Variants in NFE2 observed in about 807,000 individuals in gnomAD.
The protein encoded by NFE2 is nuclear factor, erythroid 2, also known as transcription factor NF-E2 45 kDa subunit.
NFE2 carries 13 observed loss-of-function variants against 25.8 expected under a neutral mutation model. That is an observed-to-expected ratio of 0.50 (90% CI 0.33 to 0.80). NFE2 has a LOEUF of 0.80. Ranked by LOEUF, NFE2 falls within the 30% of genes least tolerant of loss-of-function variation. The pLI is 0.02. For missense variants in NFE2, 382 were observed against 478.9 expected, an observed-to-expected ratio of 0.80 and a Z score of 1.89; for synonymous variants, 204 against 200.2, an observed-to-expected ratio of 1.02 and a Z score of -0.16.
At chr12:54,296,564 T>C (rs573783862) in intron 1 of NFE2, among the ~76,000 whole-genome samples, 41 of 152,318 alleles carry the variant, frequency 2.7e-4, no homozygotes, top group Admixed American at 1.2e-3. Context: ...CCTGCCCCTG[T>C]ATCTTCATAC....
chr12:54,292,801 G>C lies in NFE2; in HGVS notation c.695C>G (p.Ala232Gly). Residue 232 changes from alanine to glycine, a missense_variant, in exon 3 of 3, where the codon GCC (alanine) becomes GGC (glycine). Coordinates refer to ENST00000435572, the MANE Select transcript of NFE2 (RefSeq NM_001136023.3). The part of the protein sequence containing the change: ...AGSRDERRAL[A>G]MKIPFPTDKI... ...GTCCGTAGGAAAAGGAATCTTCATG[G>C]CCAAGGCCCGACGTTCATCCCGACT... 1 of 1,614,180 alleles carries C rather than the reference G, an allele frequency of 6.2e-7. No individual in the cohort carries two copies. Among genetic ancestry groups the C allele is most frequent in the Non-Finnish European group, 8.5e-7 (1 of 1,180,038 alleles).
At position 54,293,185 on chromosome 12, in the gene NFE2, A is replaced by G; in HGVS notation, c.311T>C (p.Ile104Thr). Residue 104 changes from isoleucine (I) to threonine (T), a missense_variant, in exon 3 of 3, where the codon ATA becomes ACA. By Grantham distance (89) the Ile-to-Thr change is moderately conservative. Coordinates refer to ENST00000435572, the MANE Select transcript of NFE2 (RefSeq NM_001136023.3). Reference sequence around the variant, plus strand: ...GAGGCTCAGTGGCTTGGAGACTGGTATGGCCATGTTGCCATAGGAGTATGG... The same window carrying G: ...GAGGCTCAGTGGCTTGGAGACTGGTGTGGCCATGTTGCCATAGGAGTATGG... ...DPPYSYGNMA[I>T]PVSKPLSLSG... 1 of 1,573,978 alleles carries G rather than the reference A, an allele frequency of 6.4e-7. No individual in the cohort carries two copies. Among genetic ancestry groups the G allele is most frequent in the South Asian group, 1.2e-5 (1 of 84,674 alleles).
At chr12:54,294,459 G>T (rs780573494) in intron 2 of NFE2, among the ~76,000 whole-genome samples, 1 of 152,060 alleles carries the variant, frequency 6.6e-6, no homozygotes, top group Non-Finnish European at 1.5e-5. Context: ...ATGGTAGCAG[G>T]GTAGTAAAAG....
intron 2 of NFE2, 69 bp downstream of exon 2, chr12:54,295,066 T>C: frequency 7.5e-7 from 1 of 1,324,918 alleles, no homozygotes; most frequent in Non-Finnish European, 1.1e-6. Context: ...TCTGCCTCAG[T>C]CCTGGCCAAC....
At chr12:54,298,507 CAA>C (rs1180692795) in intron 1 of NFE2, among the ~76,000 whole-genome samples, 13 of 35,596 alleles carry the variant, frequency 3.7e-4, no homozygotes, top group Admixed American at 5.9e-4. Flanking sequence ...AACTCCACAT[CAA>C]AAAAAAAAAA....
intron 1 of NFE2, among the ~76,000 whole-genome samples, chr12:54,298,803 C>A (rs1944397602): frequency 6.6e-6 from 1 of 152,096 alleles, no homozygotes; most frequent in African/African-American, 2.4e-5. Context: ...GTAATCCCAG[C>A]ACTTTGGGAG....
At chr12:54,299,610 C>T (rs761485841) in intron 1 of NFE2, among the ~76,000 whole-genome samples, 7 of 152,026 alleles carry the variant, frequency 4.6e-5, no homozygotes, top group Admixed American at 6.6e-5. Context: ...TATCATAATC[C>T]CTAAGTACTC....
chr12:54,293,772 C>T (rs1944343271), intron 2 of NFE2, among the ~76,000 whole-genome samples: 1 of 151,184 alleles, frequency 6.6e-6, no homozygotes, highest in Admixed American at 6.6e-5. Flanking sequence ...CTGCTTGAAC[C>T]CCGGAGGTGG....
At position 54,295,315 on chromosome 12, in the gene NFE2, G is replaced by T. The variant is rs1754723167; in HGVS notation, c.-56-11C>A. The T allele has an allele frequency of 7.5e-6, 10 of 1,339,756 alleles. No individual in the cohort carries two copies. Among genetic ancestry groups the T allele is most frequent in the South Asian group, 2.4e-5 (2 of 84,272 alleles). 83.0% of individuals were successfully genotyped at this position (1,339,756 alleles called of 1,614,324 possible). A position where few individuals can be genotyped will look rare whatever the true frequency, so the allele number is the denominator to read the frequency against. ...GATGGCTCTAGAAACCTGTGTCAAA[G>T]GAAAAGAGGTGTTAGAGCTACACCT... On this transcript the variant is annotated splice_polypyrimidine_tract_variant and intron_variant, in intron 1 of 2. Transcript: ENST00000435572.
intron 1 of NFE2, 180 bp from the exon 2 acceptor site, chr12:54,295,484 A>T (rs79586149): frequency 0.018 from 7,810 of 442,982 alleles, 98 homozygotes; most frequent in Middle Eastern, 0.038. Flanking sequence ...CTGTGTTGTG[A>T]TCTCCACCTC....
rs369948235 is a variant in NFE2 at position 54,295,285 on chromosome 12, G to C, written c.-37C>G. 2.6e-6 allele frequency: 4 copies of C among 1,550,598 alleles called. No individual in the cohort carries two copies. The African/African-American group carries it at 4.1e-5, about 16-fold the overall frequency. On this transcript the variant is annotated 5_prime_UTR_variant, in exon 2 of 3. Transcript: ENST00000435572. Reference sequence around the variant, plus strand: ...AGAGTCTGGTCCAGGTTCCCGGAAAGCCCAGATGGCTCTAGAAACCTGTGT... The same window carrying C: ...AGAGTCTGGTCCAGGTTCCCGGAAACCCCAGATGGCTCTAGAAACCTGTGT...
intron 1 of NFE2, among the ~76,000 whole-genome samples, chr12:54,296,581 C>T (rs1944374727): frequency 6.6e-6 from 1 of 152,134 alleles, no homozygotes; most frequent in Admixed American, 6.5e-5. Context: ...ATACTCCAAA[C>T]CTCTACTGGA....
At chr12:54,296,302 C>T (rs1463321690) in intron 1 of NFE2, among the ~76,000 whole-genome samples, 3 of 149,910 alleles carry the variant, frequency 2.0e-5, no homozygotes, top group Non-Finnish European at 4.4e-5. Context: ...CCCAGCTACT[C>T]GGGAAGCTGA....
chr12:54,292,535 C>G lies in NFE2; in HGVS notation c.961G>C (p.Val321Leu). The change falls in exon 3 of 3, where the codon GTC becomes CTC. Residue 321 changes from valine to leucine, a missense_variant. By Grantham distance (32) the Val-to-Leu change is conservative. Transcript: ENST00000435572. ...AGCTCTGTCAGCTGTTGGCGCATGA[C>G]CTCCAGGGTCCGGTCTGCCTCCCCG... is the stretch of plus-strand genomic sequence containing the variant. ...ARGEADRTLE[V>L]MRQQLTELYR... 1 of 1,614,186 alleles carries G rather than the reference C, an allele frequency of 6.2e-7. No homozygotes were observed. The highest frequency in any genetic ancestry group is 8.5e-7 in the Non-Finnish European group (1 of 1,180,036).
At position 54,297,600 on chromosome 12, in the gene NFE2, A is replaced by T. The variant is rs543537692; in HGVS notation, c.-56-2296T>A. Among the ~76,000 whole-genome samples, 13 of 127,328 alleles carry T rather than the reference A, an allele frequency of 1.0e-4. No individual in the cohort carries two copies. The South Asian group carries it at 2.8e-3, about 27-fold the overall frequency. The allele number at this position is 127,328 out of a possible 152,430, so 83.5% of individuals were successfully genotyped here. ...AGAATTGCTTGAACCCGGGAGGCGG[A>T]GGTTGCAGTGAGCTAAGATCGCACC... On this transcript the variant is annotated intron_variant, in intron 1 of 2. Transcript: ENST00000435572.
chr12:54,294,502 G>A (rs1944351094), intron 2 of NFE2, among the ~76,000 whole-genome samples: 1 of 152,078 alleles, frequency 6.6e-6, no homozygotes, highest in South Asian at 2.1e-4. Context: ...GCACCTTGGG[G>A]AGCCAGCACA....
intron 1 of NFE2, among the ~76,000 whole-genome samples, chr12:54,299,821 A>G (rs190536574): frequency 6.6e-6 from 1 of 152,096 alleles, no homozygotes; most frequent in Non-Finnish European, 1.5e-5. Context: ...CCAGGTGTCA[A>G]TAGGTGCAGT....
At chr12:54,294,224 C>T (rs1467182948) in intron 2 of NFE2, among the ~76,000 whole-genome samples, 10 of 145,808 alleles carry the variant, frequency 6.9e-5, no homozygotes, top group East Asian at 6.0e-4. Flanking sequence ...GGCGCCAGAG[C>T]GAGACACCGT....
chr12:54,298,969 T>C (rs1944398624), intron 1 of NFE2, among the ~76,000 whole-genome samples: 1 of 151,366 alleles, frequency 6.6e-6, no homozygotes. Context: ...GAGAATTGCT[T>C]GAACCTGGGC....
Sources: gnomAD v4.1 joint callset for allele counts (sites outside exome capture counted in the v4.1 genomes callset) on GRCh38, gnomAD v4.1.1 for gene constraint, MANE v1.5 for transcripts, NCBI Gene and HGNC (gene_info 2026-07-23, HGNC 2026-07-21) for gene names.